MARCHF6: variants seen among roughly 807,000 people sequenced by gnomAD.
MARCHF6 encodes membrane associated ring-CH-type finger 6.
Under a neutral mutation model 133.7 loss-of-function variants are expected in MARCHF6, and 31 were observed. That is an observed-to-expected ratio of 0.23 (90% CI 0.17 to 0.31). The LOEUF (loss-of-function observed/expected upper bound fraction) is 0.31. Ranked by LOEUF, MARCHF6 falls within the 10% of genes least tolerant of loss-of-function variation. The pLI, the probability that MARCHF6 is intolerant of heterozygous loss-of-function variation, is 1.00. For synonymous variants in MARCHF6, 395 were observed against 402.5 expected (o/e 0.98, Z 0.22); for missense variants, 723 against 1,121.6 (o/e 0.64, Z 5.08).
At chr5:10,373,829 G>C (rs1212432344) in intron 1 of MARCHF6, among the ~76,000 whole-genome samples, 1 of 152,154 alleles carries the variant, frequency 6.6e-6, no homozygotes, top group African/African-American at 2.4e-5. Flanking sequence ...AGTAGCACAT[G>C]CCAGTTTCAA....
intron 1 of MARCHF6, among the ~76,000 whole-genome samples, chr5:10,377,124 T>C (rs1736834141): frequency 6.6e-6 from 1 of 152,074 alleles, no homozygotes; most frequent in Non-Finnish European, 1.5e-5. Context: ...AATATGCCCC[T>C]AGAGTCTTGT....
intron 8 of MARCHF6, 98 bp from the exon 9 acceptor site, chr5:10,394,655 G>A (rs1738065344): frequency 4.4e-6 from 4 of 904,022 alleles, no homozygotes; most frequent in Admixed American, 4.4e-5. Flanking sequence ...TGAGGACTGT[G>A]TTTAAAGATA....
Position 10,402,459 on chromosome 5 carries a change from C to G in MARCHF6, c.1122+7C>G. 1.2e-6 allele frequency: 2 copies of G among 1,613,444 alleles called. No homozygotes were observed. Among genetic ancestry groups the G allele is most frequent in the East Asian group, 2.2e-5 (1 of 44,846 alleles). Reference sequence around the variant, plus strand: ...CTGCTATATTGTTGTTAAGGTAATTCCTGTTATAACTTAAAATTGGAAATG... The same window carrying G: ...CTGCTATATTGTTGTTAAGGTAATTGCTGTTATAACTTAAAATTGGAAATG... On this transcript the variant is annotated splice_region_variant and intron_variant, in intron 13 of 25. Transcript: ENST00000274140.
At chr5:10,377,546 C>T (rs1018705095) in intron 1 of MARCHF6, among the ~76,000 whole-genome samples, 3 of 152,112 alleles carry the variant, frequency 2.0e-5, no homozygotes, top group East Asian at 1.9e-4. Flanking sequence ...CTCTTATTTT[C>T]GACTTTGATT....
At chr5:10,412,229 TC>T (rs1395612201) in intron 19 of MARCHF6, among the ~76,000 whole-genome samples, 12 of 152,224 alleles carry the variant, frequency 7.9e-5, no homozygotes, top group Non-Finnish European at 4.4e-5. Context: ...AGCAAACATG[TC>T]TTAAGTGTCT....
intron 1 of MARCHF6, among the ~76,000 whole-genome samples, chr5:10,368,640 C>T (rs1249443589): frequency 2.0e-5 from 3 of 152,202 alleles, no homozygotes; most frequent in Non-Finnish European, 2.9e-5. Context: ...AGTGCAGTGG[C>T]GTCATCTCGG....
chr5:10,355,257 C>A (rs548148979), intron 1 of MARCHF6, among the ~76,000 whole-genome samples: 1 of 152,314 alleles, frequency 6.6e-6, no homozygotes, highest in African/African-American at 2.4e-5. Flanking sequence ...AGCGAAACTG[C>A]TGAAGGTTGC....
At chr5:10,368,959 T>TAA (rs112511673) in intron 1 of MARCHF6, among the ~76,000 whole-genome samples, 12 of 143,794 alleles carry the variant, frequency 8.3e-5, no homozygotes, top group African/African-American at 2.8e-4. Flanking sequence ...TCTGTTTCTT[T>TAA]AAAAAAAAAA....
chr5:10,386,373 C>T (rs1737479474), intron 4 of MARCHF6, among the ~76,000 whole-genome samples: 1 of 152,236 alleles, frequency 6.6e-6, no homozygotes, highest in African/African-American at 2.4e-5. Context: ...GGTCTGTTAT[C>T]TCATTCTGTC....
At chr5:10,388,793 C>T (rs1038229945) in intron 5 of MARCHF6, among the ~76,000 whole-genome samples, 9 of 152,196 alleles carry the variant, frequency 5.9e-5, no homozygotes, top group Non-Finnish European at 1.2e-4. Context: ...AGCATCGCCT[C>T]TGTCCAGGAT....
intron 5 of MARCHF6, 104 bp from the exon 6 acceptor site, chr5:10,390,228 G>GT (rs11449510): frequency 0.48 from 308,502 of 643,180 alleles, 36,445 homozygotes; most frequent in Non-Finnish European, 0.51. Flanking sequence ...TCTTCTGGCT[G>GT]TTTTTTTTTT....
intron 7 of MARCHF6, among the ~76,000 whole-genome samples, chr5:10,392,291 AAC>A (rs984633057): frequency 2.6e-5 from 4 of 152,198 alleles, no homozygotes; most frequent in African/African-American, 9.7e-5. Flanking sequence ...GATAGGAAGA[AAC>A]TATTTTTTAA....
chr5:10,390,504 A>T lies in MARCHF6; in HGVS notation c.576+4A>T. 1 of 1,610,726 alleles carries T rather than the reference A, an allele frequency of 6.2e-7. No individual in the cohort carries two copies. Among genetic ancestry groups the T allele is most frequent in the Non-Finnish European group, 8.5e-7 (1 of 1,178,752 alleles). ...TGCGGGGCATCACCAAAATGAGGTA[A>T]CTCCCCTACCCCAAAATTGATTTTA... is the stretch of plus-strand genomic sequence containing the variant. On this transcript the variant is annotated splice_donor_region_variant and intron_variant, in intron 6 of 25. Coordinates refer to ENST00000274140, the MANE Select transcript of MARCHF6 (RefSeq NM_005885.4).
In MARCHF6 at chr5:10,434,961, T is replaced by C. The variant is rs906899109; in HGVS notation, c.*1277T>C. On this transcript the variant is annotated 3_prime_UTR_variant, in exon 26 of 26. Coordinates refer to ENST00000274140, the MANE Select transcript of MARCHF6 (RefSeq NM_005885.4). The stretch of plus-strand genomic sequence containing the variant: ...CTTTGTTTTCCCTCATAACCAAAGC[T>C]TCAGGTTAGAAGTTTAGAAAAATAG... The C allele has an allele frequency of 6.6e-6, 1 of 152,626 alleles. No homozygotes were observed. The highest frequency in any genetic ancestry group is 2.4e-5 in the African/African-American group (1 of 41,434). 9.5% of individuals were successfully genotyped at this position (152,626 alleles called of 1,614,324 possible).
In MARCHF6 at chr5:10,435,666, TATATATATATATATATATATATA is replaced by T. The variant is rs1740604160; in HGVS notation, c.*1983_*2005del. ...ATATATATATATATATATATATATA[TATATATATATATATATATATATA>T]TATATATATTTTTTTTTTTTTTTTT... On this transcript the variant is annotated 3_prime_UTR_variant, in exon 26 of 26. Transcript: ENST00000274140. 3 of 12,090 alleles carry T rather than the reference TATATATATATATATATATATATA, an allele frequency of 2.5e-4. No homozygotes were observed. The highest frequency in any genetic ancestry group is 1.5e-3 in the African/African-American group (3 of 2,028). 0.7% of individuals were successfully genotyped at this position (12,090 alleles called of 1,614,324 possible).
At position 10,415,095 on chromosome 5, in the gene MARCHF6, T is replaced by C. The variant is rs567233197; in HGVS notation, c.1967-393T>C. On this transcript the variant is annotated intron_variant, in intron 20 of 25. Transcript: ENST00000274140. ...AAATTATTTGTAATGTTTCTACATA[T>C]TAAAAGTATTGACATCACAAATAAG... 1.4e-4 allele frequency among the ~76,000 whole-genome samples: 22 copies of C among 152,386 alleles called. No homozygotes were observed. The South Asian group carries it at 4.3e-3, about 30-fold the overall frequency.
chr5:10,433,170 G>T (rs148177032), intron 25 of MARCHF6, among the ~76,000 whole-genome samples: 1 of 152,164 alleles, frequency 6.6e-6, no homozygotes, highest in Non-Finnish European at 1.5e-5. Context: ...GATTACAGGC[G>T]TGAGCCACCA....
chr5:10,414,332 A>G (rs533543696), intron 19 of MARCHF6, 101 bp from the exon 20 acceptor site: 2 of 695,586 alleles, frequency 2.9e-6, no homozygotes, highest in South Asian at 4.1e-5. Flanking sequence ...CAACGCAAAT[A>G]TAGATGATTT....
intron 3 of MARCHF6, among the ~76,000 whole-genome samples, chr5:10,379,276 A>G (rs111653687): frequency 3.3e-5 from 5 of 152,166 alleles, no homozygotes; most frequent in African/African-American, 9.6e-5. Flanking sequence ...TCATCTGTAC[A>G]TACTTCAGTA....
Sources: allele counts gnomAD v4.1 joint callset (sites outside exome capture counted in the v4.1 genomes callset), GRCh38; gene constraint gnomAD v4.1.1; transcripts MANE v1.5; gene names NCBI Gene and HGNC (gene_info 2026-07-23, HGNC 2026-07-21).